The following HSF4 variants were observed in gnomAD, a reference collection of about 807,000 sequenced individuals.
HSF4 encodes heat shock transcription factor 4.
Under a neutral mutation model 52.0 loss-of-function variants are expected in HSF4, and 41 were observed. The ratio of observed to expected loss-of-function variants is 0.79; its 90% CI spans 0.61 to 1.02. The LOEUF (loss-of-function observed/expected upper bound fraction) is 1.02, where lower values mean the gene tolerates loss of function less well. Among genes scored for constraint, HSF4 ranks in the 50% least tolerant of loss-of-function variants. HSF4 has a pLI of 0.00. For missense variants in HSF4, 610 were observed against 651.1 expected (o/e 0.94, Z 0.69); for synonymous variants, 285 against 273.0 (o/e 1.04, Z -0.43).
Position 67,169,815 on chromosome 16 carries a change from C to G in HSF4, c.*30C>G, listed in dbSNP as rs754137390. ...CCGCGCCTCTGAAGGGGCTTGGAACCAGTCCGCCGCTGCACATCCTTCTTG... is the reference window on the plus strand; with the variant it reads ...CCGCGCCTCTGAAGGGGCTTGGAACGAGTCCGCCGCTGCACATCCTTCTTG... On this transcript the variant is annotated 3_prime_UTR_variant, in exon 13 of 13. Transcript: ENST00000521374. This position sits in a 1 kb window ranked among gnomAD's most constrained non-coding sequence, Gnocchi z 4.3. The G allele has an allele frequency of 2.5e-6, 4 of 1,612,704 alleles. No homozygotes were observed. In the South Asian group the frequency reaches 4.4e-5, roughly 18 times the overall value.
Position 67,167,549 on chromosome 16 carries a change from C to T in HSF4, c.804C>T (p.Asp268=), listed in dbSNP as rs768873663. ...RGPIISDIPE[D]SPSPEGTRLS... is the part of the protein sequence containing the mutation. ...CCATCATCTCTGACATCCCAGAAGA[C>T]TCTCCATCCCCTGAGGGGACCAGGC... Residue 268 remains aspartate (D), a synonymous_variant, in exon 8 of 13, where the codon GAC becomes GAT. Coordinates refer to ENST00000521374, the MANE Select transcript of HSF4 (RefSeq NM_001374675.1). 2 of 1,613,676 alleles carry T rather than the reference C, an allele frequency of 1.2e-6. No homozygotes were observed. Among genetic ancestry groups the T allele is most frequent in the East Asian group, 4.5e-5 (2 of 44,890 alleles).
chr16:67,168,104 A>G (rs2031438569), intron 9 of HSF4, among the ~76,000 whole-genome samples, 157 bp downstream of exon 9: 1 of 152,272 alleles, frequency 6.6e-6, no homozygotes, highest in East Asian at 1.9e-4. Context: ...CAGGGCACTC[A>G]GCATCTGCGG....
In HSF4 at chr16:67,167,126, G is replaced by C; in HGVS notation, c.633G>C (p.Leu211=). ...SNAGGKRKLS[L]MLDEGSSCPT... is the part of the protein sequence containing the mutation. The stretch of plus-strand genomic sequence containing the variant: ...GCCCTGATCGACCACACAGGTCCCT[G>C]ATGCTGGATGAGGGGAGCTCATGCC... The change falls in exon 7 of 13, where the codon CTG becomes CTC. Residue 211 remains leucine, a synonymous_variant. Coordinates refer to ENST00000521374, the MANE Select transcript of HSF4 (RefSeq NM_001374675.1). The C allele has an allele frequency of 6.2e-7, 1 of 1,614,202 alleles. No homozygotes were observed. Among genetic ancestry groups the C allele is most frequent in the Non-Finnish European group, 8.5e-7 (1 of 1,180,018 alleles).
At chr16:67,168,223 G>A (rs2031445646) in intron 9 of HSF4, among the ~76,000 whole-genome samples, 3 of 152,200 alleles carry the variant, frequency 2.0e-5, no homozygotes, top group South Asian at 4.1e-4. Context: ...TGTAATCCCA[G>A]CACTTTGGGA....
chr16:67,163,880 G>GA (rs1190136361), upstream of HSF4: 5 of 1,526,682 alleles, frequency 3.3e-6, no homozygotes, highest in Non-Finnish European at 2.6e-6. Flanking sequence ...GAACGGGGGG[G>GA]GTGTCCAGGC....
chr16:67,165,380 C>T lies in HSF4; in HGVS notation c.124-142C>T, dbSNP rs533861442. ...GAGCCCGTTCTGGCCTGGCCTCGACCCATATCCCCGTAAGCGGCAGGCCTG... is the reference window on the plus strand; with the variant it reads ...GAGCCCGTTCTGGCCTGGCCTCGACTCATATCCCCGTAAGCGGCAGGCCTG... On this transcript the variant is annotated intron_variant, in intron 1 of 12. Coordinates refer to ENST00000521374, the MANE Select transcript of HSF4 (RefSeq NM_001374675.1). The surrounding 1 kb of genome is among the most constrained non-coding windows in gnomAD (Gnocchi z 6.9). The T allele has an allele frequency of 6.4e-5, 51 of 791,438 alleles. No homozygotes were observed. Among genetic ancestry groups the T allele is most frequent in the Non-Finnish European group, 1.0e-4 (48 of 469,198 alleles). The allele number at this position is 791,438 out of a possible 1,614,324, so 49.0% of individuals were successfully genotyped here.
chr16:67,166,774 T>G (rs2031334755), intron 6 of HSF4, 152 bp downstream of exon 6: 3 of 764,994 alleles, frequency 3.9e-6, no homozygotes, highest in African/African-American at 1.7e-5. Flanking sequence ...TAGGATCCAC[T>G]TCCCCCCAAC....
rs934131520 is a variant in HSF4 at position 67,169,931 on chromosome 16, C to T, written c.*146C>T. 5.2e-6 allele frequency: 4 copies of T among 770,532 alleles called. No individual in the cohort carries two copies. The highest frequency in any genetic ancestry group is 1.8e-5 in the African/African-American group (1 of 56,042). 47.7% of individuals were successfully genotyped at this position (770,532 alleles called of 1,614,324 possible). On this transcript the variant is annotated 3_prime_UTR_variant, in exon 13 of 13. Coordinates refer to ENST00000521374, the MANE Select transcript of HSF4 (RefSeq NM_001374675.1). This position sits in a 1 kb window ranked among gnomAD's most constrained non-coding sequence, Gnocchi z 4.3. The stretch of plus-strand genomic sequence containing the variant: ...CCCGACTATCCCTGCACATAAACTC[C>T]GTTTTTTTTTTTTCTGTTTCTGGTC...
intron 9 of HSF4, among the ~76,000 whole-genome samples, chr16:67,168,153 G>T (rs984423594): frequency 5.4e-4 from 83 of 152,336 alleles, no homozygotes; most frequent in African/African-American, 1.9e-3. Flanking sequence ...AGTTCCCTGG[G>T]GTGACTGCAA....
chr16:67,167,925 G>T lies in HSF4; in HGVS notation c.1060G>T (p.Asp354Tyr). ...PRNAQQPEPG[D>Y]PREIPDRGPL... ...GAATGCCCAACAGCCTGAACCAGGGGATCCCAGGGAGATACCTGACAGGTG... is the reference window on the plus strand; with the variant it reads ...GAATGCCCAACAGCCTGAACCAGGGTATCCCAGGGAGATACCTGACAGGTG... Residue 354 changes from aspartate to tyrosine, a missense_variant, in exon 9 of 13, where the codon GAT (aspartate) becomes TAT (tyrosine). By Grantham distance (160) the Asp-to-Tyr change is radical. Coordinates refer to ENST00000521374, the MANE Select transcript of HSF4 (RefSeq NM_001374675.1). The T allele has an allele frequency of 1.9e-6, 3 of 1,597,674 alleles. No homozygotes were observed. The highest frequency in any genetic ancestry group is 1.3e-5 in the African/African-American group (1 of 74,944).
Position 67,165,169 on chromosome 16 carries a change from A to T in HSF4, c.123+235A>T, listed in dbSNP as rs1203352518. On this transcript the variant is annotated intron_variant, in intron 1 of 12. Coordinates refer to ENST00000521374, the MANE Select transcript of HSF4 (RefSeq NM_001374675.1). This position sits in a 1 kb window ranked among gnomAD's most constrained non-coding sequence, Gnocchi z 6.9. ...GTCCGAGGGACCTTCGAGGCCATTT[A>T]GTTCCCACCCTACCCCATCCGACAG... The T allele has an allele frequency of 1.3e-5, 8 of 596,846 alleles. No homozygotes were observed. The Admixed American group carries it at 1.5e-4, about 11-fold the overall frequency. The allele number at this position is 596,846 out of a possible 1,614,324, so 37.0% of individuals were successfully genotyped here.
In HSF4 at chr16:67,169,570, C is replaced by T; in HGVS notation, c.1325-61C>T. 3 of 1,599,684 alleles carry T rather than the reference C, an allele frequency of 1.9e-6. No individual in the cohort carries two copies. Among genetic ancestry groups the T allele is most frequent in the South Asian group, 1.1e-5 (1 of 91,030 alleles). The stretch of plus-strand genomic sequence containing the variant: ...GCAGAAGGCAGGCGGGCAGGGCTCT[C>T]CTTCCCTGAAGAAAGGAGGGGGAAC... On this transcript the variant is annotated intron_variant, in intron 12 of 12. Transcript: ENST00000521374. The surrounding 1 kb of genome is among the most constrained non-coding windows in gnomAD (Gnocchi z 4.3).
At position 67,169,659 on chromosome 16, in the gene HSF4, C is replaced by T; in HGVS notation, c.1353C>T (p.Leu451=). 1 of 1,611,140 alleles carries T rather than the reference C, an allele frequency of 6.2e-7. No individual in the cohort carries two copies. Among genetic ancestry groups the T allele is most frequent in the South Asian group, 1.1e-5 (1 of 91,086 alleles). The part of the protein sequence containing the change: ...PGKDPTLGAP[L]LLDVQAALGG... ...AGGACCCCACGCTCGGGGCCCCACT[C>T]CTGCTGGATGTCCAGGCGGCCTTGG... Residue 451 remains leucine, a synonymous_variant, in exon 13 of 13, where the codon CTC becomes CTT. Transcript: ENST00000521374. This position sits in a 1 kb window ranked among gnomAD's most constrained non-coding sequence, Gnocchi z 4.3.
upstream of HSF4, chr16:67,164,051 C>A (rs1385732231): frequency 7.0e-6 from 5 of 715,490 alleles, no homozygotes; most frequent in South Asian, 3.0e-5. Context: ...GACACACTGC[C>A]CCCCTCTCTT....
chr16:67,166,504 GGGGGT>G (rs2031309025), intron 5 of HSF4, 49 bp from the exon 6 acceptor site: 1 of 1,604,436 alleles, frequency 6.2e-7, no homozygotes, highest in Non-Finnish European at 8.5e-7. Flanking sequence ...CTGGAAGTGC[GGGGGT>G]GGGGGGGCTG....
At chr16:67,167,009 C>T in intron 6 of HSF4, 111 bp from the exon 7 acceptor site, 1 of 1,474,386 alleles carries the variant, frequency 6.8e-7, no homozygotes, top group East Asian at 2.3e-5. Flanking sequence ...CAACAGGCCT[C>T]AGCTCTGCTG....
chr16:67,163,852 C>T (rs376436717), upstream of HSF4: 10 of 1,513,784 alleles, frequency 6.6e-6, no homozygotes, highest in South Asian at 1.1e-4. Flanking sequence ...TCCCCGTGGA[C>T]GTAAGCGCTC....
upstream of HSF4, chr16:67,164,173 T>G: frequency 1.8e-6 from 1 of 550,640 alleles, no homozygotes; most frequent in Non-Finnish European, 3.4e-6. Context: ...AATCCTGCAG[T>G]GTTTCTGCGT....
At position 67,166,344 on chromosome 16, in the gene HSF4, G is replaced by A. The variant is rs372473149; in HGVS notation, c.510G>A (p.Glu170=). ...LRQQNEILWR[E]VVTLRQSHGQ... ...GGCAGAACGAGATCTTGTGGCGGGA[G>A]GTGGTGACACTTCGGCAGAGCCACG... Residue 170 remains glutamate (E), a synonymous_variant, in exon 5 of 13, where the codon GAG becomes GAA. Coordinates refer to ENST00000521374, the MANE Select transcript of HSF4 (RefSeq NM_001374675.1). The A allele has an allele frequency of 9.7e-5, 156 of 1,608,866 alleles. No homozygotes were observed. The highest frequency in any genetic ancestry group is 1.2e-4 in the Admixed American group (7 of 59,428).
Sources: gnomAD v4.1 joint callset for allele counts (sites outside exome capture counted in the v4.1 genomes callset) on GRCh38, gnomAD v4.1.1 for gene constraint, Gnocchi (gnomAD v3.1) non-coding constraint, MANE v1.5 for transcripts, NCBI Gene and HGNC (gene_info 2026-07-23, HGNC 2026-07-21) for gene names.